DAPK1: variants seen among roughly 807,000 people sequenced by gnomAD.
The protein encoded by DAPK1 is death associated protein kinase 1, also known as death-associated protein kinase 1.
In DAPK1, 56 loss-of-function variants were observed where a neutral mutation model predicts 144.9. The ratio of observed to expected loss-of-function variants is 0.39; its 90% CI spans 0.31 to 0.48. The LOEUF (loss-of-function observed/expected upper bound fraction) is 0.48, where lower values mean the gene tolerates loss of function less well. Among genes scored for constraint, DAPK1 ranks in the 20% least tolerant of loss-of-function variants. The pLI, the probability that DAPK1 is intolerant of heterozygous loss-of-function variation, is 0.95. For missense variants in DAPK1, 1,454 were observed against 1,875.4 expected (o/e 0.78, Z 4.15); for synonymous variants, 690 against 749.0 (o/e 0.92, Z 1.29).
chr9:87,707,123 AG>A lies in DAPK1; in HGVS notation c.4054del (p.Asp1352IlefsTer29). ...TACAACACCAGTAACGGGGCTCCCA[AG>A]GATTTCCTCCCCAGCCCCCTCCACG... ...AKYNTSNGAPKDFLPSPLHAL... is the reference protein window; with the variant it reads ...AKYNTSNGAPXDFLPSPLHAL... On this transcript the variant is annotated frameshift_variant, in exon 26 of 26. Coordinates refer to ENST00000408954, the MANE Select transcript of DAPK1 (RefSeq NM_004938.4). LOFTEE classifies it high-confidence loss of function. This position sits in a 1 kb window ranked among gnomAD's most constrained non-coding sequence, Gnocchi z 4.0. 6.2e-7 allele frequency: 1 copy of A among 1,614,016 alleles called. No individual in the cohort carries two copies. Among genetic ancestry groups the A allele is most frequent in the Non-Finnish European group, 8.5e-7 (1 of 1,179,928 alleles).
At chr9:87,558,120 T>G (rs112475769) in intron 2 of DAPK1, among the ~76,000 whole-genome samples, 199 of 152,290 alleles carry the variant, frequency 1.3e-3, no homozygotes, top group African/African-American at 4.6e-3. Flanking sequence ...TAATGGGCAG[T>G]TAGCTTGTCA....
chr9:87,531,258 C>T (rs4878093), intron 2 of DAPK1, among the ~76,000 whole-genome samples: 18,142 of 152,140 alleles, frequency 0.12, 1,394 homozygotes, highest in Admixed American at 0.16. Flanking sequence ...TATCCATACC[C>T]GATGTTCACT....
chr9:87,540,229 A>T (rs567914359), intron 2 of DAPK1, among the ~76,000 whole-genome samples: 1 of 119,006 alleles, frequency 8.4e-6, no homozygotes, highest in Non-Finnish European at 1.6e-5. Flanking sequence ...TCGTTCTGTC[A>T]TCCAGGCTGG....
intron 2 of DAPK1, among the ~76,000 whole-genome samples, chr9:87,571,807 G>A (rs1827373009): frequency 6.6e-6 from 1 of 152,218 alleles, no homozygotes; most frequent in South Asian, 2.1e-4. Flanking sequence ...TCACACAAAG[G>A]TGGTGCCTCT....
At chr9:87,598,383 G>A (rs1033887854) in intron 2 of DAPK1, among the ~76,000 whole-genome samples, 46 of 152,132 alleles carry the variant, frequency 3.0e-4, no homozygotes, top group African/African-American at 1.0e-3. Context: ...AGAATTCATC[G>A]TAATACTAGT....
chr9:87,552,406 ACCAC>A (rs1181538807), intron 2 of DAPK1, among the ~76,000 whole-genome samples: 2 of 133,892 alleles, frequency 1.5e-5, no homozygotes, highest in African/African-American at 5.3e-5. Context: ...GTGACGGGGC[ACCAC>A]TTTCTGGAAA....
At chr9:87,682,278 G>T (rs878884791) in intron 20 of DAPK1, among the ~76,000 whole-genome samples, 1 of 152,154 alleles carries the variant, frequency 6.6e-6, no homozygotes, top group Non-Finnish European at 1.5e-5. Flanking sequence ...TTCACATTAG[G>T]GGGCTGTCAC....
At chr9:87,502,495 G>A (rs1019246210) in intron 2 of DAPK1, among the ~76,000 whole-genome samples, 111 of 152,190 alleles carry the variant, frequency 7.3e-4, no homozygotes, top group African/African-American at 2.5e-3. Context: ...ACCTCGGGCA[G>A]CTGCAGGCTG....
At chr9:87,653,402 T>G (rs916224329) in intron 17 of DAPK1, among the ~76,000 whole-genome samples, 1 of 152,254 alleles carries the variant, frequency 6.6e-6, no homozygotes, top group Non-Finnish European at 1.5e-5. Context: ...TTAAGTTGCA[T>G]TTTACATGTG....
chr9:87,692,237 CCTT>C (rs1028132780), intron 21 of DAPK1, among the ~76,000 whole-genome samples: 2 of 86,918 alleles, frequency 2.3e-5, no homozygotes, highest in African/African-American at 4.2e-5. Flanking sequence ...TATATAATGA[CCTT>C]CTTTTTTTTT....
At position 87,570,314 on chromosome 9, in the gene DAPK1, C is replaced by G. The variant is rs150503738; in HGVS notation, c.63-34640C>G. Among the ~76,000 whole-genome samples, 428 of 152,210 alleles carry G rather than the reference C, an allele frequency of 2.8e-3. 4 individuals carry two copies. Among genetic ancestry groups the G allele is most frequent in the African/African-American group, 0.01 (419 of 41,518 alleles). On this transcript the variant is annotated intron_variant, in intron 2 of 25. Coordinates refer to ENST00000408954, the MANE Select transcript of DAPK1 (RefSeq NM_004938.4). ...ACTTCACTTCTGACTCCAGCTTTGT[C>G]TAATTATTAACACAGAGAGGTACTA... is the stretch of plus-strand genomic sequence containing the variant.
intron 2 of DAPK1, among the ~76,000 whole-genome samples, chr9:87,560,770 A>G (rs1005882766): frequency 2.7e-5 from 4 of 149,086 alleles, no homozygotes; most frequent in East Asian, 1.9e-4. Context: ...GGATCAAGCA[A>G]TTCTCCTACC....
intron 11 of DAPK1, among the ~76,000 whole-genome samples, chr9:87,645,468 C>T (rs1830235044): frequency 6.6e-6 from 1 of 152,164 alleles, no homozygotes; most frequent in African/African-American, 2.4e-5. Flanking sequence ...TTGAGAATAT[C>T]TTATTCAAAG....
intron 11 of DAPK1, among the ~76,000 whole-genome samples, chr9:87,644,972 A>G (rs1830220329): frequency 6.6e-6 from 1 of 152,228 alleles, no homozygotes; most frequent in African/African-American, 2.4e-5. Context: ...CATGCATTTT[A>G]TACAAATATT....
chr9:87,675,641 C>A (rs190056881), intron 19 of DAPK1, among the ~76,000 whole-genome samples: 1 of 152,078 alleles, frequency 6.6e-6, no homozygotes, highest in East Asian at 1.9e-4. Context: ...GCTGCTCAGA[C>A]TGGAGCCTCA....
intron 19 of DAPK1, among the ~76,000 whole-genome samples, chr9:87,678,437 A>T (rs1176400974): frequency 6.6e-6 from 1 of 152,198 alleles, no homozygotes; most frequent in Non-Finnish European, 1.5e-5. Context: ...ACCCCCACAG[A>T]CGCCCACGGA....
chr9:87,503,889 C>T (rs141362240), intron 2 of DAPK1, among the ~76,000 whole-genome samples: 1 of 152,276 alleles, frequency 6.6e-6, no homozygotes, highest in African/African-American at 2.4e-5. Context: ...TTTGGATGGT[C>T]ATTGGAAGCT....
chr9:87,681,769 A>G (rs1171631310), intron 20 of DAPK1, 143 bp downstream of exon 20: 1 of 668,542 alleles, frequency 1.5e-6, no homozygotes, highest in Non-Finnish European at 2.7e-6. Context: ...TTTCAGGTCC[A>G]GGTTGGCTGG....
chr9:87,583,850 TTC>T (rs1474154854), intron 2 of DAPK1, among the ~76,000 whole-genome samples: 3 of 152,226 alleles, frequency 2.0e-5, no homozygotes, highest in Non-Finnish European at 4.4e-5. Context: ...ATCATTGCCC[TTC>T]TTTCTTCAGT....
Sources: gnomAD v4.1 joint callset for allele counts (sites outside exome capture counted in the v4.1 genomes callset) on GRCh38, gnomAD v4.1.1 for gene constraint, Gnocchi (gnomAD v3.1) non-coding constraint, MANE v1.5 for transcripts, NCBI Gene and HGNC (gene_info 2026-07-23, HGNC 2026-07-21) for gene names.